Variants in ELF1 observed in about 807,000 individuals in gnomAD.
ELF1 encodes the protein ETS-related transcription factor Elf-1.
ELF1 carries 24 observed loss-of-function variants against 59.9 expected under a neutral mutation model. The ratio of observed to expected loss-of-function variants is 0.40; its 90% CI spans 0.29 to 0.56. The LOEUF is 0.56. Ranked by LOEUF, ELF1 falls within the 20% of genes least tolerant of loss-of-function variation. The pLI is 0.44. For synonymous variants in ELF1, 248 were observed against 266.2 expected (o/e 0.93, Z 0.67); for missense variants, 627 against 742.2 (o/e 0.84, Z 1.80).
At chr13:41,028,918 T>C (rs1876054738) in intron 1 of ELF1, among the ~76,000 whole-genome samples, 1 of 151,876 alleles carries the variant, frequency 6.6e-6, no homozygotes, top group African/African-American at 2.4e-5. Context: ...ATTTTTATTA[T>C]TGTATTTTTA....
intron 1 of ELF1, among the ~76,000 whole-genome samples, chr13:41,051,043 A>G (rs551336105): frequency 6.6e-6 from 1 of 152,310 alleles, no homozygotes; most frequent in African/African-American, 2.4e-5. Context: ...CTTTCATATA[A>G]ACTTTATGTG....
intron 1 of ELF1, among the ~76,000 whole-genome samples, chr13:40,985,180 T>C (rs1325669284): frequency 6.6e-6 from 1 of 152,224 alleles, no homozygotes; most frequent in Non-Finnish European, 1.5e-5. Context: ...TCTTTCCTGC[T>C]CCTCTTCCTC....
chr13:40,933,383 G>A lies in ELF1; in HGVS notation c.*42C>T, dbSNP rs1475171371. 1.9e-6 allele frequency: 3 copies of A among 1,565,470 alleles called. No individual in the cohort carries two copies. The East Asian group carries it at 6.8e-5, about 35-fold the overall frequency. On this transcript the variant is annotated 3_prime_UTR_variant, in exon 9 of 9. Coordinates refer to ENST00000239882, the MANE Select transcript of ELF1 (RefSeq NM_172373.4). ...AGTCAGTCTGCATATAATTGAAAAT[G>A]TTCAATTAACAAACAATTATTCATA...
intron 6 of ELF1, among the ~76,000 whole-genome samples, chr13:40,943,414 T>A (rs564317841): frequency 6.6e-6 from 1 of 152,268 alleles, no homozygotes; most frequent in South Asian, 2.1e-4. Flanking sequence ...AGAAAGTACT[T>A]TGAGATAATT....
Position 40,967,664 on chromosome 13 carries a change from T to A in ELF1, c.73-8648A>T, listed in dbSNP as rs866413525. ...TGGAGTGCAGTGGCGTGATCACAGC[T>A]CACTGCATCTGTGAACTCCTGGGCT... is the stretch of plus-strand genomic sequence containing the variant. On this transcript the variant is annotated intron_variant, in intron 2 of 8. Transcript: ENST00000239882. Among the ~76,000 whole-genome samples the A allele has an allele frequency of 5.9e-5, 9 of 152,254 alleles. No individual in the cohort carries two copies. The South Asian group carries it at 1.0e-3, about 18-fold the overall frequency.
Position 40,966,429 on chromosome 13 carries a change from G to GA in ELF1, c.73-7414dup, listed in dbSNP as rs201446989. Reference sequence around the variant, plus strand: ...AAATTCAAACCAAGTTTTAGCAGAAGAGAGTCACAGTTCCCCAAATTTCAA... The same window carrying GA: ...AAATTCAAACCAAGTTTTAGCAGAAGAAGAGTCACAGTTCCCCAAATTTCAA... On this transcript the variant is annotated intron_variant, in intron 2 of 8. Coordinates refer to ENST00000239882, the MANE Select transcript of ELF1 (RefSeq NM_172373.4). Among the ~76,000 whole-genome samples, 395 of 152,264 alleles carry GA rather than the reference G, an allele frequency of 2.6e-3. 6 individuals are homozygous for GA. In the East Asian group the frequency reaches 0.049, roughly 19 times the overall value.
intron 1 of ELF1, among the ~76,000 whole-genome samples, chr13:41,018,165 T>A: frequency 6.6e-6 from 1 of 152,210 alleles, no homozygotes; most frequent in South Asian, 2.1e-4. Context: ...AAACTTTATT[T>A]TTTGGAATCA....
At chr13:40,983,444 C>A (rs1381257176) in intron 1 of ELF1, among the ~76,000 whole-genome samples, 1 of 152,112 alleles carries the variant, frequency 6.6e-6, no homozygotes, top group African/African-American at 2.4e-5. Flanking sequence ...AAAGCCAAGT[C>A]CCTATGTGTC....
chr13:41,027,214 A>C (rs1369494568), intron 1 of ELF1, among the ~76,000 whole-genome samples: 1 of 152,234 alleles, frequency 6.6e-6, no homozygotes, highest in African/African-American at 2.4e-5. Flanking sequence ...ATTGGTGACA[A>C]AGAAATTTGG....
At chr13:40,983,480 G>T (rs1208707621) in intron 1 of ELF1, among the ~76,000 whole-genome samples, 1 of 152,130 alleles carries the variant, frequency 6.6e-6, no homozygotes, top group Non-Finnish European at 1.5e-5. Flanking sequence ...CATCATGGAT[G>T]ACTGTGATTT....
At chr13:41,000,236 G>C (rs901030681) in intron 1 of ELF1, among the ~76,000 whole-genome samples, 12 of 102,170 alleles carry the variant, frequency 1.2e-4, no homozygotes, top group African/African-American at 4.6e-4. Context: ...ATTGAACCTG[G>C]CTTTTTTTTT....
intron 1 of ELF1, among the ~76,000 whole-genome samples, chr13:41,034,110 T>C (rs541520015): frequency 6.6e-6 from 1 of 152,264 alleles, no homozygotes; most frequent in East Asian, 1.9e-4. Context: ...CTTCAGGCCG[T>C]AATCACAAGA....
rs775418791 is a variant in ELF1, at chr13:40,950,003, T to C, written c.362-30A>G. 3.9e-6 allele frequency: 6 copies of C among 1,555,494 alleles called. No individual in the cohort carries two copies. The African/African-American group carries it at 6.9e-5, about 18-fold the overall frequency. On this transcript the variant is annotated intron_variant, in intron 4 of 8. Coordinates refer to ENST00000239882, the MANE Select transcript of ELF1 (RefSeq NM_172373.4). ...TGAAAATAAAATCAACTAATTATAG[T>C]CCACTGTGTATTATAAGTTAAAAAA...
chr13:41,057,937 C>T (rs1016438722), intron 1 of ELF1, among the ~76,000 whole-genome samples: 3 of 152,208 alleles, frequency 2.0e-5, no homozygotes, highest in African/African-American at 4.8e-5. Context: ...ACAGATTATT[C>T]TCACACTTTA....
At chr13:41,061,343 G>A in exon 1 of ELF1, 1 of 458,316 alleles carries the variant, frequency 2.2e-6, no homozygotes, top group South Asian at 2.5e-5. Context: ...GGGACTTGAG[G>A]CTTGAGATCC....
intron 1 of ELF1, among the ~76,000 whole-genome samples, chr13:41,003,264 C>T (rs146897777): frequency 2.2e-4 from 33 of 152,226 alleles, no homozygotes; most frequent in African/African-American, 7.5e-4. Context: ...TGTAAAAGGA[C>T]ACTCAAAAAC....
chr13:41,036,092 A>G (rs1053935866), intron 1 of ELF1, among the ~76,000 whole-genome samples: 26 of 151,492 alleles, frequency 1.7e-4, no homozygotes, highest in Admixed American at 1.2e-3. Context: ...TTGTTGTTGT[A>G]TTTTTAGTAG....
chr13:40,942,428 C>T, intron 7 of ELF1, among the ~76,000 whole-genome samples: 1 of 152,170 alleles, frequency 6.6e-6, no homozygotes, highest in East Asian at 1.9e-4. Flanking sequence ...TACTCTTGTT[C>T]AAAATTCTCA....
chr13:41,061,177 T>G, exon 1 of ELF1: 1 of 198,202 alleles, frequency 5.0e-6, no homozygotes, highest in Non-Finnish European at 1.1e-5. Flanking sequence ...TGCGGAGTAG[T>G]TGGCAAAGTT....
Sources: allele counts gnomAD v4.1 joint callset (sites outside exome capture counted in the v4.1 genomes callset), GRCh38; gene constraint gnomAD v4.1.1; transcripts MANE v1.5; gene names NCBI Gene and HGNC (gene_info 2026-07-23, HGNC 2026-07-21).